HTR1F: variants seen among roughly 807,000 people sequenced by gnomAD.
The protein encoded by HTR1F is 5-hydroxytryptamine receptor 1F, also known as 5-hydroxytryptamine (serotonin) receptor 1F, G protein-coupled.
HTR1F carries 17 observed loss-of-function variants against 24.0 expected under a neutral mutation model. The ratio of observed to expected loss-of-function variants is 0.71; its 90% CI spans 0.48 to 1.06. The LOEUF (loss-of-function observed/expected upper bound fraction) is 1.06, where lower values mean the gene tolerates loss of function less well. Ranked by LOEUF, HTR1F falls within the 50% of genes least tolerant of loss-of-function variation. The probability of loss-of-function intolerance (pLI) is 0.00; values close to 1 mark genes in which losing one functional copy is unlikely to be tolerated. For synonymous variants in HTR1F, 186 were observed against 156.8 expected, an observed-to-expected ratio of 1.19 and a Z score of -1.39; for missense variants, 391 against 427.8, an observed-to-expected ratio of 0.91 and a Z score of 0.76.
At chr3:87,804,839 A>G (rs1345432861) in intron 1 of HTR1F, among the ~76,000 whole-genome samples, 1 of 152,088 alleles carries the variant, frequency 6.6e-6, no homozygotes, top group Non-Finnish European at 1.5e-5. Flanking sequence ...TATGAAACCA[A>G]CAGTAAGCTT....
At chr3:87,857,573 T>A (rs1180955275) in intron 2 of HTR1F, among the ~76,000 whole-genome samples, 1 of 152,122 alleles carries the variant, frequency 6.6e-6, no homozygotes, top group Non-Finnish European at 1.5e-5. Context: ...CCATTCCAAG[T>A]CTTTTTAAAG....
At chr3:87,935,364 A>G (rs192979501) in intron 2 of HTR1F, among the ~76,000 whole-genome samples, 2 of 152,138 alleles carry the variant, frequency 1.3e-5, no homozygotes. Context: ...GCTCTTTAAG[A>G]GTCAATTTCA....
At chr3:87,821,545 T>A (rs1057227274) in intron 1 of HTR1F, among the ~76,000 whole-genome samples, 3 of 152,184 alleles carry the variant, frequency 2.0e-5, no homozygotes, top group Non-Finnish European at 4.4e-5. Context: ...ATTTCCATCA[T>A]CCCTCAAATC....
intron 2 of HTR1F, among the ~76,000 whole-genome samples, chr3:87,982,615 C>T (rs1705569933): frequency 6.6e-6 from 1 of 152,148 alleles, no homozygotes; most frequent in Non-Finnish European, 1.5e-5. Context: ...AGTCAAGAGC[C>T]TGGAGGGCGT....
intron 2 of HTR1F, among the ~76,000 whole-genome samples, chr3:87,988,968 A>G (rs138323815): frequency 0.014 from 2,099 of 152,250 alleles, 19 homozygotes; most frequent in African/African-American, 0.021. Flanking sequence ...AGTATTTTAA[A>G]GTATTAATTT....
intron 2 of HTR1F, among the ~76,000 whole-genome samples, chr3:87,934,233 G>GA (rs1388848745): frequency 6.6e-6 from 1 of 152,216 alleles, no homozygotes; most frequent in East Asian, 1.9e-4. Flanking sequence ...AAGATGGTGT[G>GA]AAAAATAACA....
Position 87,945,859 on chromosome 3 carries a change from CG to C in HTR1F, c.-42-44842del, listed in dbSNP as rs150282952. ...CCCTTCTTGGTCGCCAAAATGTTAC[CG>C]GGGGGGTCCTTGCTCCCAGAGCTCC... On this transcript the variant is annotated intron_variant, in intron 2 of 2. Coordinates refer to ENST00000319595, the MANE Select transcript of HTR1F (RefSeq NM_001322209.2). Among the ~76,000 whole-genome samples, 455 of 151,880 alleles carry C rather than the reference CG, an allele frequency of 3.0e-3. 8 individuals are homozygous for C. The East Asian group carries it at 0.046, about 15-fold the overall frequency.
intron 2 of HTR1F, among the ~76,000 whole-genome samples, chr3:87,902,564 G>T (rs962597842): frequency 2.6e-5 from 4 of 152,070 alleles, no homozygotes; most frequent in Admixed American, 2.6e-4. Flanking sequence ...ATACAGCTAA[G>T]AATTTCTTTT....
chr3:87,948,504 C>A (rs1445593210), intron 2 of HTR1F, among the ~76,000 whole-genome samples: 2 of 150,958 alleles, frequency 1.3e-5, no homozygotes, highest in African/African-American at 4.9e-5. Context: ...TTTTTTAAGA[C>A]AGGACCTCAC....
chr3:87,929,816 GT>G (rs1486027769), intron 2 of HTR1F, among the ~76,000 whole-genome samples: 1 of 152,142 alleles, frequency 6.6e-6, no homozygotes, highest in Non-Finnish European at 1.5e-5. Context: ...TTTTAAAATA[GT>G]TTTTTCTAGT....
intron 2 of HTR1F, among the ~76,000 whole-genome samples, chr3:87,856,507 T>A (rs1050806453): frequency 6.6e-6 from 1 of 152,114 alleles, no homozygotes; most frequent in African/African-American, 2.4e-5. Context: ...ATTTGAAAGT[T>A]TAAAGTGTCC....
chr3:87,976,893 T>C (rs1029353451), intron 2 of HTR1F, among the ~76,000 whole-genome samples: 1 of 152,208 alleles, frequency 6.6e-6, no homozygotes, highest in African/African-American at 2.4e-5. Context: ...AATGTCACTA[T>C]GGTGTGAAGT....
intron 1 of HTR1F, among the ~76,000 whole-genome samples, chr3:87,813,607 G>A (rs1183871278): frequency 1.3e-5 from 2 of 152,142 alleles, no homozygotes; most frequent in Non-Finnish European, 2.9e-5. Flanking sequence ...AGGGCCAGGG[G>A]CAGAATGATA....
chr3:87,886,785 A>T (rs1705956813), intron 2 of HTR1F, among the ~76,000 whole-genome samples: 2 of 152,158 alleles, frequency 1.3e-5, no homozygotes, highest in African/African-American at 2.4e-5. Flanking sequence ...GATGTGAAGG[A>T]CCTCTTCAAG....
In HTR1F at chr3:87,819,905, T is replaced by C. The variant is rs551232625; in HGVS notation, c.-159-2103T>C. 2.0e-5 allele frequency among the ~76,000 whole-genome samples: 3 copies of C among 152,198 alleles called. No individual in the cohort carries two copies. The East Asian group carries it at 5.8e-4, about 29-fold the overall frequency. ...GTACAATGAGAAAAAAGTTAAATAG[T>C]AAATGAGAACAATTTAACTCTTAAA... On this transcript the variant is annotated intron_variant, in intron 1 of 2. Coordinates refer to ENST00000319595, the MANE Select transcript of HTR1F (RefSeq NM_001322209.2).
intron 2 of HTR1F, among the ~76,000 whole-genome samples, chr3:87,825,296 A>G (rs1195633105): frequency 6.6e-6 from 1 of 152,154 alleles, no homozygotes; most frequent in Non-Finnish European, 1.5e-5. Flanking sequence ...ACCGATAATG[A>G]GTTTTATAGC....
intron 2 of HTR1F, among the ~76,000 whole-genome samples, chr3:87,874,952 T>A (rs1705636794): frequency 6.6e-6 from 1 of 152,170 alleles, no homozygotes; most frequent in Non-Finnish European, 1.5e-5. Flanking sequence ...TGAGATTAGA[T>A]CCTTACTTTA....
At chr3:87,961,146 CTTTT>C (rs1705051820) in intron 2 of HTR1F, among the ~76,000 whole-genome samples, 1 of 151,908 alleles carries the variant, frequency 6.6e-6, no homozygotes, top group African/African-American at 2.4e-5. Flanking sequence ...GTTGAGATGC[CTTTT>C]TACCCAGGAT....
At chr3:87,959,165 T>C (rs1200395243) in intron 2 of HTR1F, among the ~76,000 whole-genome samples, 1 of 151,822 alleles carries the variant, frequency 6.6e-6, no homozygotes, top group Admixed American at 6.6e-5. Flanking sequence ...GACAATAGCA[T>C]ATAATGGTTA....
Sources: allele counts gnomAD v4.1 joint callset (sites outside exome capture counted in the v4.1 genomes callset), GRCh38; gene constraint gnomAD v4.1.1; transcripts MANE v1.5; gene names NCBI Gene and HGNC (gene_info 2026-07-23, HGNC 2026-07-21).